Variants in ADCY7 observed in about 807,000 individuals in gnomAD.
The protein encoded by ADCY7 is adenylate cyclase 7, also known as adenylate cyclase type 7.
Under a neutral mutation model 120.6 loss-of-function variants are expected in ADCY7, and 72 were observed. That is an observed-to-expected ratio of 0.60 (90% CI 0.49 to 0.73). The LOEUF is 0.73. ADCY7 is among the 30% of genes least tolerant of loss of function. The probability of loss-of-function intolerance (pLI) is 0.00; values close to 1 mark genes in which losing one functional copy is unlikely to be tolerated. For synonymous variants in ADCY7, 661 were observed against 628.0 expected (o/e 1.05, Z -0.78); for missense variants, 1,227 against 1,486.0 (o/e 0.83, Z 2.87).
intron 1 of ADCY7, among the ~76,000 whole-genome samples, chr16:50,248,352 T>C (rs1380680986): frequency 6.6e-6 from 1 of 152,202 alleles, no homozygotes; most frequent in Non-Finnish European, 1.5e-5. Flanking sequence ...GAGAGGGGCC[T>C]ATGTCCCCTC....
At chr16:50,276,853 T>A (rs1407080763) in intron 1 of ADCY7, among the ~76,000 whole-genome samples, 2 of 152,164 alleles carry the variant, frequency 1.3e-5, no homozygotes, top group Non-Finnish European at 2.9e-5. Flanking sequence ...CTCGGCCTCC[T>A]GAATAGCTGA....
rs549158721 is a variant in ADCY7 at position 50,317,776 on chromosome 16, C to T, written c.*2271C>T. On this transcript the variant is annotated 3_prime_UTR_variant, in exon 26 of 26. Coordinates refer to ENST00000673801, the MANE Select transcript of ADCY7 (RefSeq NM_001114.5). ...TTTGTTTTATGACAGACACACGTAT[C>T]TAACAAACAAACAAACAGTGACCTT... is the stretch of plus-strand genomic sequence containing the variant. The T allele has an allele frequency of 1.3e-5, 2 of 152,408 alleles. No homozygotes were observed. The highest frequency in any genetic ancestry group is 4.8e-5 in the African/African-American group (2 of 41,536). 9.4% of individuals were successfully genotyped at this position (152,408 alleles called of 1,614,324 possible).
intron 1 of ADCY7, among the ~76,000 whole-genome samples, chr16:50,251,538 A>T (rs906100048): frequency 3.9e-5 from 6 of 152,250 alleles, no homozygotes; most frequent in African/African-American, 1.4e-4. Context: ...GGAGGACTGC[A>T]GAAGTGCTTA....
At chr16:50,260,260 A>G (rs2033025432) in intron 1 of ADCY7, among the ~76,000 whole-genome samples, 1 of 152,240 alleles carries the variant, frequency 6.6e-6, no homozygotes, top group Non-Finnish European at 1.5e-5. Flanking sequence ...GCCCTCAGCC[A>G]GATGGGTCTG....
At position 50,294,656 on chromosome 16, in the gene ADCY7, A is replaced by G. The variant is rs2035226630; in HGVS notation, c.853A>G (p.Ile285Val). ...CATCCCCAGCATCCTCTATGCGGAC[A>G]TCGTGGGCTTCACGCAGCTGGCCAG... ...HQNVSILYAD[I>V]VGFTQLASDC... Residue 285 changes from isoleucine to valine, a missense_variant, in exon 7 of 26, where the codon ATC (isoleucine) becomes GTC (valine). Ile to Val is a conservative substitution (Grantham distance 29, BLOSUM62 3). Coordinates refer to ENST00000673801, the MANE Select transcript of ADCY7 (RefSeq NM_001114.5). The G allele has an allele frequency of 1.3e-6, 2 of 1,558,844 alleles. No individual in the cohort carries two copies. Among genetic ancestry groups the G allele is most frequent in the Non-Finnish European group, 8.8e-7 (1 of 1,140,372 alleles).
At chr16:50,256,778 G>A (rs1596794819) in intron 1 of ADCY7, among the ~76,000 whole-genome samples, 2 of 152,252 alleles carry the variant, frequency 1.3e-5, no homozygotes, top group South Asian at 4.1e-4. Context: ...AATTAGCACA[G>A]CCATTATGGA....
Position 50,312,970 on chromosome 16 carries a change from C to T in ADCY7, c.2685C>T (p.Cys895=), listed in dbSNP as rs765862916. ...VPDFKVFYTE[C]DVNKEGLECL... ...ACTTCAAAGTGTTCTACACAGAGTG[C>T]GATGTCAACAAAGAAGGGCTGGAGT... is the stretch of plus-strand genomic sequence containing the variant. Residue 895 remains cysteine, a synonymous_variant, in exon 22 of 26, where the codon TGC becomes TGT. Transcript: ENST00000673801. 22 of 1,614,042 alleles carry T rather than the reference C, an allele frequency of 1.4e-5. No homozygotes were observed. Among genetic ancestry groups the T allele is most frequent in the African/African-American group, 4.0e-5 (3 of 74,922 alleles).
upstream of ADCY7, among the ~76,000 whole-genome samples, chr16:50,245,448 A>G (rs754299450): frequency 3.9e-5 from 6 of 152,150 alleles, no homozygotes; most frequent in Non-Finnish European, 8.8e-5. Context: ...TGCCCCTCCC[A>G]GGGTGACTCA....
intron 1 of ADCY7, among the ~76,000 whole-genome samples, chr16:50,283,873 G>A (rs1337957044): frequency 2.6e-5 from 4 of 152,208 alleles, no homozygotes; most frequent in Non-Finnish European, 4.4e-5. Flanking sequence ...AGTGCCCAGT[G>A]ATGGAGGAGA....
rs555986855 is a variant in ADCY7, at chr16:50,246,646, G to A, written c.-64+443G>A. ...GCCTCTGTGGGCGCAGGACCGGGCT[G>A]TGGGTCTGCAGCGCTCCCGCCGGAG... On this transcript the variant is annotated intron_variant, in intron 1 of 4. Transcript: ENST00000564044. 2.0e-3 allele frequency among the ~76,000 whole-genome samples: 311 copies of A among 152,334 alleles called. 1 individual carries two copies. The highest frequency in any genetic ancestry group is 0.02 in the Middle Eastern group (6 of 294).
intron 1 of ADCY7, among the ~76,000 whole-genome samples, chr16:50,278,465 G>A (rs1371753418): frequency 6.6e-6 from 1 of 152,142 alleles, no homozygotes; most frequent in Non-Finnish European, 1.5e-5. Context: ...TACATATGAA[G>A]GAGATTAGCT....
rs115343987 is a variant in ADCY7 at position 50,260,635 on chromosome 16, G to T, written c.-64+14432G>T. 2.3e-3 allele frequency among the ~76,000 whole-genome samples: 349 copies of T among 152,352 alleles called. 1 individual carries two copies. The highest frequency in any genetic ancestry group is 7.9e-3 in the African/African-American group (329 of 41,578). ...CTTCTGGCTGGGGTTCTCTGATGAG[G>T]TTGCAATCAAGCTGCCTGTCAAGCT... On this transcript the variant is annotated intron_variant, in intron 1 of 4. Coordinates refer to the ADCY7 transcript ENST00000564044.
chr16:50,257,676 G>A (rs984151966), intron 1 of ADCY7, among the ~76,000 whole-genome samples: 2 of 150,624 alleles, frequency 1.3e-5, no homozygotes, highest in South Asian at 2.1e-4. Flanking sequence ...CTATCCATTC[G>A]GTGTTCAAAC....
chr16:50,307,493 A>G (rs1429778271), intron 15 of ADCY7, among the ~76,000 whole-genome samples: 2 of 151,988 alleles, frequency 1.3e-5, no homozygotes, highest in Non-Finnish European at 2.9e-5. Context: ...TTTCTCTTAT[A>G]TATAGGGAAA....
intron 6 of ADCY7, among the ~76,000 whole-genome samples, chr16:50,293,756 A>T (rs866142322): frequency 1.3e-5 from 2 of 152,110 alleles, no homozygotes; most frequent in East Asian, 3.9e-4. Context: ...CACCCCCAAA[A>T]CTGTAAAACT....
chr16:50,309,300 C>T (rs558580250), intron 17 of ADCY7: 14 of 486,880 alleles, frequency 2.9e-5, no homozygotes, highest in South Asian at 1.8e-4. Flanking sequence ...ATGTTGGTCC[C>T]GGCCCCTCCC....
intron 7 of ADCY7, among the ~76,000 whole-genome samples, chr16:50,296,268 G>A (rs1254880010): frequency 6.6e-6 from 1 of 151,916 alleles, no homozygotes; most frequent in Non-Finnish European, 1.5e-5. Context: ...GTCTAGGCTG[G>A]TCTTGAATTC....
In ADCY7 at chr16:50,275,758, A is replaced by G. The variant is rs180820077; in HGVS notation, c.-269+9078A>G. Among the ~76,000 whole-genome samples, 47 of 152,310 alleles carry G rather than the reference A, an allele frequency of 3.1e-4. No homozygotes were observed. The East Asian group carries it at 7.9e-3, about 26-fold the overall frequency. On this transcript the variant is annotated intron_variant, in intron 1 of 25. Coordinates refer to ENST00000673801, the MANE Select transcript of ADCY7 (RefSeq NM_001114.5). The stretch of plus-strand genomic sequence containing the variant: ...AAATGCAGATAGAGAGTTAATCTGC[A>G]CTGGGCCTTGGAGAGGGGCAGGCCT...
intron 1 of ADCY7, among the ~76,000 whole-genome samples, chr16:50,284,955 T>TG (rs940305411): frequency 2.7e-4 from 41 of 152,022 alleles, no homozygotes; most frequent in Non-Finnish European, 4.4e-4. Flanking sequence ...TATTTTGGGG[T>TG]GGGGGGTGCT....
Sources: allele counts gnomAD v4.1 joint callset (sites outside exome capture counted in the v4.1 genomes callset), GRCh38; gene constraint gnomAD v4.1.1; transcripts MANE v1.5; gene names NCBI Gene and HGNC (gene_info 2026-07-23, HGNC 2026-07-21).